The following FASLG variants were observed in gnomAD, a reference collection of about 807,000 sequenced individuals.
The protein encoded by FASLG is Fas ligand, also known as tumor necrosis factor ligand superfamily member 6.
Under a neutral mutation model 24.6 loss-of-function variants are expected in FASLG, and 9 were observed. That is an observed-to-expected ratio of 0.37 (90% CI 0.22 to 0.64). The LOEUF (loss-of-function observed/expected upper bound fraction) is 0.64. Ranked by LOEUF, FASLG falls within the 30% of genes least tolerant of loss-of-function variation. FASLG has a pLI of 0.64. For synonymous variants in FASLG, 130 were observed against 135.5 expected, an observed-to-expected ratio of 0.96 and a Z score of 0.28; for missense variants, 306 against 345.3, an observed-to-expected ratio of 0.89 and a Z score of 0.90.
intron 3 of FASLG, 46 bp from the exon 4 acceptor site, chr1:172,665,576 A>G (rs372296143): frequency 2.5e-6 from 4 of 1,601,958 alleles, no homozygotes; most frequent in Admixed American, 1.7e-5. Flanking sequence ...AGTTTGTTGG[A>G]TGCATGACTA....
At position 172,660,157 on chromosome 1, in the gene FASLG, A is replaced by G. The variant is rs1659106411; in HGVS notation, c.394+17A>G. On this transcript the variant is annotated intron_variant, in intron 2 of 3. Transcript: ENST00000367721. ...AGCAAATAGGTGAGTCTTTTTTCGC[A>G]TGTACATTGAGTTCCCAAAGATGAT... 3 of 1,612,872 alleles carry G rather than the reference A, an allele frequency of 1.9e-6. No individual in the cohort carries two copies. Among genetic ancestry groups the G allele is most frequent in the Non-Finnish European group, 1.7e-6 (2 of 1,178,958 alleles).
chr1:172,666,183 C>G lies in FASLG; in HGVS notation c.*167C>G. The G allele has an allele frequency of 1.4e-6, 1 of 717,214 alleles. No individual in the cohort carries two copies. Among genetic ancestry groups the G allele is most frequent in the Non-Finnish European group, 2.3e-6 (1 of 434,234 alleles). The allele number at this position is 717,214 out of a possible 1,614,324, so 44.4% of individuals were successfully genotyped here. A position where few individuals can be genotyped will look rare whatever the true frequency, so the allele number is the denominator to read the frequency against. ...AAATGTCTGTAGCTCCTCAACTCAC[C>G]TAATGTTTATGAGCCAGACAAATGG... On this transcript the variant is annotated 3_prime_UTR_variant, in exon 4 of 4. Coordinates refer to ENST00000367721, the MANE Select transcript of FASLG (RefSeq NM_000639.3).
rs1041898198 is a variant in FASLG, at chr1:172,659,401, C to A, written c.200C>A (p.Pro67Gln). ...CCGCCGCCACCACTGCCTCCACTAC[C>A]GCTGCCACCCCTGAAGAAGAGAGGG... The part of the protein sequence containing the change: ...PPPPPPLPPL[P>Q]LPPLKKRGNH... Residue 67 changes from proline to glutamine, a missense_variant, in exon 1 of 4, where the codon CCG (proline) becomes CAG (glutamine). Transcript: ENST00000367721. 1.9e-6 allele frequency: 3 copies of A among 1,612,498 alleles called. No individual in the cohort carries two copies. The African/African-American group carries it at 4.0e-5, about 22-fold the overall frequency.
At chr1:172,661,358 A>G (rs1659135268) in intron 2 of FASLG, among the ~76,000 whole-genome samples, 1 of 152,216 alleles carries the variant, frequency 6.6e-6, no homozygotes, top group Non-Finnish European at 1.5e-5. Flanking sequence ...AAGTTCTTAT[A>G]TGAGCCACTG....
intron 1 of FASLG, 27 bp from the exon 2 acceptor site, chr1:172,660,068 A>T: frequency 6.2e-7 from 1 of 1,609,440 alleles, no homozygotes; most frequent in South Asian, 1.1e-5. Flanking sequence ...TTTTTATTAT[A>T]CATCTTTTCT....
chr1:172,665,673 T>A lies in FASLG; in HGVS notation c.503T>A (p.Ile168Asn), dbSNP rs1291566237. 9.9e-6 allele frequency: 16 copies of A among 1,614,086 alleles called. No homozygotes were observed. The highest frequency in any genetic ancestry group is 1.4e-5 in the Non-Finnish European group (16 of 1,180,048). ...MPLEWEDTYG[I>N]VLLSGVKYKK... ...CTGGAATGGGAAGACACCTATGGAATTGTCCTGCTTTCTGGAGTGAAGTAT... is the reference window on the plus strand; with the variant it reads ...CTGGAATGGGAAGACACCTATGGAAATGTCCTGCTTTCTGGAGTGAAGTAT... The change falls in exon 4 of 4, where the codon ATT becomes AAT. Residue 168 changes from isoleucine (I) to asparagine (N), a missense_variant. By Grantham distance (149) the Ile-to-Asn change is moderately radical (BLOSUM62 -3). Coordinates refer to ENST00000367721, the MANE Select transcript of FASLG (RefSeq NM_000639.3).
At chr1:172,664,138 A>T (rs1276223879) in intron 2 of FASLG, among the ~76,000 whole-genome samples, 196 bp from the exon 3 acceptor site, 1 of 151,862 alleles carries the variant, frequency 6.6e-6, no homozygotes, top group African/African-American at 2.4e-5. Flanking sequence ...AATTTGGTTT[A>T]TTTTTTTACC....
rs55664927 is a variant in FASLG at position 172,659,345 on chromosome 1, A to G, written c.144A>G (p.Pro48=). ...CTGGTCAAAGGAGGCCACCACCACC[A>G]CCGCCACCGCCACCACTACCACCTC... ...RRPGQRRPPP[P]PPPPPLPPPP... is the part of the protein sequence containing the mutation. Residue 48 remains proline, a synonymous_variant, in exon 1 of 4, where the codon CCA becomes CCG. Transcript: ENST00000367721. The G allele has an allele frequency of 1.7e-5, 27 of 1,608,616 alleles. No homozygotes were observed. The Admixed American group carries it at 1.8e-4, about 11-fold the overall frequency.
chr1:172,663,244 T>G, intron 2 of FASLG, among the ~76,000 whole-genome samples: 1 of 152,210 alleles, frequency 6.6e-6, no homozygotes. Context: ...GCTAGTAACA[T>G]GCCCTGTGTT....
At chr1:172,659,669 GTTCTAGTTATTCTA>G in intron 1 of FASLG, 120 bp downstream of exon 1, 1 of 1,404,728 alleles carries the variant, frequency 7.1e-7, no homozygotes, top group South Asian at 1.5e-5. Context: ...GAAATGGGTT[GTTCTAGTTATTCTA>G]TTCTATAGAC....
At chr1:172,663,996 G>T (rs919574665) in intron 2 of FASLG, among the ~76,000 whole-genome samples, 2 of 152,094 alleles carry the variant, frequency 1.3e-5, no homozygotes, top group African/African-American at 4.8e-5. Context: ...GATAAGGTGG[G>T]ACAATAATAC....
At chr1:172,662,892 G>A (rs2101808779) in intron 2 of FASLG, among the ~76,000 whole-genome samples, 1 of 152,234 alleles carries the variant, frequency 6.6e-6, no homozygotes, top group South Asian at 2.1e-4. Flanking sequence ...TAGTTGCTCG[G>A]GTGGTTTGCG....
chr1:172,661,207 A>G (rs1659130457), intron 2 of FASLG, among the ~76,000 whole-genome samples: 1 of 152,204 alleles, frequency 6.6e-6, no homozygotes, highest in Non-Finnish European at 1.5e-5. Context: ...CTCTGCAAAG[A>G]CTATAGGTAG....
chr1:172,665,793 G>A lies in FASLG; in HGVS notation c.623G>A (p.Ser208Asn). Residue 208 changes from serine (S) to asparagine (N), a missense_variant, in exon 4 of 4, where the codon AGC (serine) becomes AAC (asparagine). Physicochemically the swap from Ser to Asn is conservative, Grantham distance 46. Coordinates refer to ENST00000367721, the MANE Select transcript of FASLG (RefSeq NM_000639.3). ...CAATCTTGCAACAACCTGCCCCTGA[G>A]CCACAAGGTCTACATGAGGAACTCT... Reference protein sequence around the residue: ...RGQSCNNLPLSHKVYMRNSKY... With the variant: ...RGQSCNNLPLNHKVYMRNSKY... 1 of 1,614,072 alleles carries A rather than the reference G, an allele frequency of 6.2e-7. No homozygotes were observed. The highest frequency in any genetic ancestry group is 8.5e-7 in the Non-Finnish European group (1 of 1,180,008).
chr1:172,664,562 A>T (rs1659211453), intron 3 of FASLG, among the ~76,000 whole-genome samples, 172 bp downstream of exon 3: 1 of 152,144 alleles, frequency 6.6e-6, no homozygotes, highest in Non-Finnish European at 1.5e-5. Context: ...ACACACTTTG[A>T]TCCCCTATTC....
rs1269475724 is a variant in FASLG, at chr1:172,664,364, A to T, written c.425A>T (p.Glu142Val). The change falls in exon 3 of 4, where the codon GAG (glutamate) becomes GTG (valine). Residue 142 changes from glutamate (E) to valine (V), a missense_variant. Transcript: ENST00000367721. The stretch of plus-strand genomic sequence containing the variant: ...CCCAGTCCACCCCCTGAAAAAAAGG[A>T]GCTGAGGAAAGTGGCCCATTTAACA... Reference protein sequence around the residue: ...GHPSPPPEKKELRKVAHLTGK... With the variant: ...GHPSPPPEKKVLRKVAHLTGK... 1.2e-6 allele frequency: 2 copies of T among 1,614,030 alleles called. No individual in the cohort carries two copies. The highest frequency in any genetic ancestry group is 1.1e-5 in the South Asian group (1 of 91,076).
intron 1 of FASLG, 138 bp from the exon 2 acceptor site, chr1:172,659,957 T>C (rs1558233648): frequency 4.3e-6 from 4 of 924,180 alleles, no homozygotes; most frequent in Non-Finnish European, 6.6e-6. Flanking sequence ...GCAAAATTGC[T>C]TGGCCAAAGC....
chr1:172,660,121 A>C lies in FASLG; in HGVS notation c.375A>C (p.Ser125=), dbSNP rs1659105546. The C allele has an allele frequency of 6.2e-7, 1 of 1,614,204 alleles. No individual in the cohort carries two copies. The highest frequency in any genetic ancestry group is 8.5e-7 in the Non-Finnish European group (1 of 1,180,032). ...CTACCAGCCAGATGCACACAGCATCATCTTTGGAGAAGCAAATAGGTGAGT... is the reference window on the plus strand; with the variant it reads ...CTACCAGCCAGATGCACACAGCATCCTCTTTGGAGAAGCAAATAGGTGAGT... ...RESTSQMHTA[S]SLEKQIGHPS... The change falls in exon 2 of 4, where the codon TCA becomes TCC. Residue 125 remains serine (S), a synonymous_variant. Coordinates refer to ENST00000367721, the MANE Select transcript of FASLG (RefSeq NM_000639.3).
In FASLG at chr1:172,659,355, C is replaced by T. The variant is rs762708101; in HGVS notation, c.154C>T (p.Pro52Ser). Residue 52 changes from proline to serine, a missense_variant, in exon 1 of 4, where the codon CCA becomes TCA. Transcript: ENST00000367721. ...QRRPPPPPPP[P>S]PLPPPPPPPP... The stretch of plus-strand genomic sequence containing the variant: ...GAGGCCACCACCACCACCGCCACCG[C>T]CACCACTACCACCTCCGCCGCCGCC... 7 of 1,611,800 alleles carry T rather than the reference C, an allele frequency of 4.3e-6. No individual in the cohort carries two copies. Among genetic ancestry groups the T allele is most frequent in the Non-Finnish European group, 5.1e-6 (6 of 1,179,150 alleles).
Sources: allele counts gnomAD v4.1 joint callset (sites outside exome capture counted in the v4.1 genomes callset), GRCh38; gene constraint gnomAD v4.1.1; transcripts MANE v1.5; gene names NCBI Gene and HGNC (gene_info 2026-07-23, HGNC 2026-07-21).